The following CTDSPL2 variants were observed in gnomAD, a reference collection of about 807,000 sequenced individuals.
CTDSPL2 encodes CTD small phosphatase-like protein 2.
CTDSPL2 carries 5 observed loss-of-function variants against 60.0 expected under a neutral mutation model. That is an observed-to-expected ratio of 0.08 (90% CI 0.04 to 0.18). The LOEUF is 0.18. Among genes scored for constraint, CTDSPL2 ranks in the 10% least tolerant of loss-of-function variants. CTDSPL2 has a pLI of 1.00. For synonymous variants in CTDSPL2, 186 were observed against 189.3 expected (o/e 0.98, Z 0.14); for missense variants, 370 against 548.8 (o/e 0.67, Z 3.26).
chr15:44,448,947 A>AT, intron 1 of CTDSPL2: 1 of 412,916 alleles, frequency 2.4e-6, no homozygotes, highest in Non-Finnish European at 4.5e-6. Flanking sequence ...CCAATCCATG[A>AT]TTTTTTTCAT....
rs547159866 is a variant in CTDSPL2 at position 44,524,282 on chromosome 15, C to T, written c.*108C>T. On this transcript the variant is annotated 3_prime_UTR_variant, in exon 13 of 13. Transcript: ENST00000260327. The stretch of plus-strand genomic sequence containing the variant: ...GAAATTTTGCATTTTTGTACCCCGT[C>T]TTGCTTTTCTTATCTTTGGTGCCCA... The T allele has an allele frequency of 8.6e-5, 68 of 795,318 alleles. No individual in the cohort carries two copies. The African/African-American group carries it at 1.1e-3, about 13-fold the overall frequency. 49.3% of individuals were successfully genotyped at this position (795,318 alleles called of 1,614,324 possible).
At chr15:44,511,528 G>A (rs2081564770) in intron 8 of CTDSPL2, among the ~76,000 whole-genome samples, 1 of 152,132 alleles carries the variant, frequency 6.6e-6, no homozygotes, top group Admixed American at 6.5e-5. Context: ...GTTTACTGCA[G>A]GTTGAATATC....
intron 1 of CTDSPL2, among the ~76,000 whole-genome samples, chr15:44,458,002 C>T (rs1286937719): frequency 6.6e-6 from 1 of 152,110 alleles, no homozygotes; most frequent in African/African-American, 2.4e-5. Flanking sequence ...CTAATCTTTG[C>T]CAGGAATTTC....
chr15:44,462,530 G>C (rs2080593142), intron 2 of CTDSPL2, among the ~76,000 whole-genome samples: 1 of 151,670 alleles, frequency 6.6e-6, no homozygotes, highest in Non-Finnish European at 1.5e-5. Context: ...TAGAGTTCGT[G>C]CTCCTATGAG....
At chr15:44,477,830 CGTA>C (rs1309037788) in intron 2 of CTDSPL2, among the ~76,000 whole-genome samples, 1 of 150,688 alleles carries the variant, frequency 6.6e-6, no homozygotes, top group Non-Finnish European at 1.5e-5. Context: ...AAGAGCGAAA[CGTA>C]GTCTCAAAAA....
intron 1 of CTDSPL2, among the ~76,000 whole-genome samples, chr15:44,429,701 A>C (rs1379441889): frequency 6.6e-6 from 1 of 152,112 alleles, no homozygotes; most frequent in Non-Finnish European, 1.5e-5. Context: ...CTCCATCTCT[A>C]CTAAAAATAC....
chr15:44,461,536 G>C (rs1382876906), intron 2 of CTDSPL2, among the ~76,000 whole-genome samples: 1 of 141,300 alleles, frequency 7.1e-6, no homozygotes, highest in East Asian at 2.2e-4. Flanking sequence ...CTACAGGCAT[G>C]TACCACCATG....
At chr15:44,506,855 C>T (rs1164584383) in intron 8 of CTDSPL2, among the ~76,000 whole-genome samples, 1 of 152,068 alleles carries the variant, frequency 6.6e-6, no homozygotes. Context: ...CCAGCTCCGC[C>T]TCCCAGGTTC....
intron 1 of CTDSPL2, among the ~76,000 whole-genome samples, chr15:44,446,406 T>G (rs2080215499): frequency 6.6e-6 from 1 of 151,876 alleles, no homozygotes; most frequent in Non-Finnish European, 1.5e-5. Flanking sequence ...GACAGGCAGA[T>G]CACTTGAGGT....
intron 2 of CTDSPL2, among the ~76,000 whole-genome samples, chr15:44,465,146 G>A (rs2080659621): frequency 6.6e-6 from 1 of 152,238 alleles, no homozygotes; most frequent in South Asian, 2.1e-4. Flanking sequence ...CTCAAATACA[G>A]ATTTTGTGAT....
chr15:44,519,392 T>G, intron 11 of CTDSPL2, 97 bp downstream of exon 11: 1 of 1,050,608 alleles, frequency 9.5e-7, no homozygotes, highest in Non-Finnish European at 1.4e-6. Flanking sequence ...GAAGAGAATT[T>G]TCACTGGTGG....
At chr15:44,472,099 A>G (rs745933016) in intron 2 of CTDSPL2, among the ~76,000 whole-genome samples, 2 of 152,126 alleles carry the variant, frequency 1.3e-5, no homozygotes, top group Non-Finnish European at 2.9e-5. Context: ...CCATTTATCA[A>G]TTAATGAACA....
chr15:44,514,776 T>C lies in CTDSPL2; in HGVS notation c.1044T>C (p.Phe348=). 6.2e-7 allele frequency: 1 copy of C among 1,607,960 alleles called. No individual in the cohort carries two copies. The highest frequency in any genetic ancestry group is 8.5e-7 in the Non-Finnish European group (1 of 1,175,746). ...RMSQMYEIIL[F]TASKKVYADK... is the part of the protein sequence containing the mutation. ...CCCTGAATTTATAGATCATTCTTTT[T>C]ACTGCTTCTAAGAAGGTGTATGCAG... is the stretch of plus-strand genomic sequence containing the variant. The change falls in exon 10 of 13, where the codon TTT becomes TTC. Residue 348 remains phenylalanine, a synonymous_variant. Transcript: ENST00000260327.
At position 44,521,328 on chromosome 15, in the gene CTDSPL2, T is replaced by A; in HGVS notation, c.1257T>A (p.Pro419=). ...TGTTTTAGCTTTCTAATGGAATCCC[T>A]ATAGAAAGTTGGTTTATGGATAAAA... ...AFAYQLSNGI[P]IESWFMDKND... is the part of the protein sequence containing the mutation. The change falls in exon 12 of 13, where the codon CCT becomes CCA. Residue 419 remains proline (P), a synonymous_variant. Transcript: ENST00000260327. 6.6e-7 allele frequency: 1 copy of A among 1,513,236 alleles called. No individual in the cohort carries two copies. The highest frequency in any genetic ancestry group is 9.1e-7 in the Non-Finnish European group (1 of 1,094,212). 93.7% of individuals were successfully genotyped at this position (1,513,236 alleles called of 1,614,324 possible).
chr15:44,508,670 C>T (rs1284017533), intron 8 of CTDSPL2, among the ~76,000 whole-genome samples: 1 of 152,150 alleles, frequency 6.6e-6, no homozygotes, highest in African/African-American at 2.4e-5. Flanking sequence ...CCCCTGTAAT[C>T]CCAGCACTTT....
chr15:44,449,798 C>T (rs1348595164), intron 1 of CTDSPL2, among the ~76,000 whole-genome samples: 2 of 152,000 alleles, frequency 1.3e-5, no homozygotes, highest in African/African-American at 4.8e-5. Context: ...CAAGACCAGC[C>T]TGGCCAACAT....
chr15:44,446,213 C>A (rs1300697879), intron 1 of CTDSPL2, among the ~76,000 whole-genome samples: 1 of 152,158 alleles, frequency 6.6e-6, no homozygotes, highest in Admixed American at 6.6e-5. Flanking sequence ...TATGAACCAC[C>A]ATGCCCTGCC....
chr15:44,445,295 C>G (rs1476876661), intron 1 of CTDSPL2, among the ~76,000 whole-genome samples: 1 of 152,056 alleles, frequency 6.6e-6, no homozygotes, highest in Non-Finnish European at 1.5e-5. Context: ...TCAGGTGATC[C>G]TCCCACCTCA....
chr15:44,496,720 ACACGGTGG>A (rs1317527509), intron 6 of CTDSPL2, among the ~76,000 whole-genome samples: 1 of 152,076 alleles, frequency 6.6e-6, no homozygotes, highest in African/African-American at 2.4e-5. Context: ...AATTGGCCGG[ACACGGTGG>A]CACATGCCTG....
Sources: gnomAD v4.1 joint callset for allele counts (sites outside exome capture counted in the v4.1 genomes callset) on GRCh38, gnomAD v4.1.1 for gene constraint, MANE v1.5 for transcripts, NCBI Gene and HGNC (gene_info 2026-07-23, HGNC 2026-07-21) for gene names.